CDYL2: variants seen among roughly 807,000 people sequenced by gnomAD.
The protein encoded by CDYL2 is chromodomain Y-like protein 2.
CDYL2 carries 23 observed loss-of-function variants against 49.4 expected under a neutral mutation model. The ratio of observed to expected loss-of-function variants is 0.47; its 90% CI spans 0.34 to 0.66. CDYL2 has a LOEUF of 0.66. Ranked by LOEUF, CDYL2 falls within the 30% of genes least tolerant of loss-of-function variation. CDYL2 has a pLI of 0.01. For synonymous variants in CDYL2, 360 were observed against 268.8 expected (o/e 1.34, Z -3.32); for missense variants, 678 against 656.4 (o/e 1.03, Z -0.36).
chr16:80,678,391 C>G (rs1275145326), intron 2 of CDYL2, among the ~76,000 whole-genome samples: 4 of 152,118 alleles, frequency 2.6e-5, no homozygotes, highest in African/African-American at 9.7e-5. Context: ...CCAGAATCTA[C>G]GATGAACTCA....
chr16:80,751,797 T>C (rs1011044656), intron 1 of CDYL2, among the ~76,000 whole-genome samples: 1 of 152,244 alleles, frequency 6.6e-6, no homozygotes, highest in Non-Finnish European at 1.5e-5. Flanking sequence ...AAGAGAGGGA[T>C]AATCAGAGAT....
At chr16:80,771,700 G>T (rs1011114422) in intron 1 of CDYL2, among the ~76,000 whole-genome samples, 9 of 151,916 alleles carry the variant, frequency 5.9e-5, no homozygotes, top group African/African-American at 1.9e-4. Context: ...TCCAGCTTGG[G>T]TGTCAAAGAG....
intron 2 of CDYL2, among the ~76,000 whole-genome samples, chr16:80,681,517 T>C (rs1909966486): frequency 6.6e-6 from 1 of 152,166 alleles, no homozygotes; most frequent in South Asian, 2.1e-4. Context: ...CTGTCTTGGG[T>C]CTTGTCCAGG....
intron 1 of CDYL2, among the ~76,000 whole-genome samples, chr16:80,773,999 G>C (rs1048431312): frequency 6.6e-6 from 1 of 152,120 alleles, no homozygotes; most frequent in Non-Finnish European, 1.5e-5. Context: ...ATGTATATGG[G>C]AGCTCTGGGG....
chr16:80,632,116 T>C (rs1019116795), intron 3 of CDYL2, among the ~76,000 whole-genome samples: 2 of 152,174 alleles, frequency 1.3e-5, no homozygotes, highest in Admixed American at 1.3e-4. Flanking sequence ...AACTTGTATA[T>C]AACATTTGTA....
chr16:80,737,130 T>A (rs1165804148), intron 1 of CDYL2, among the ~76,000 whole-genome samples: 1 of 152,178 alleles, frequency 6.6e-6, no homozygotes, highest in Non-Finnish European at 1.5e-5. Flanking sequence ...GATCTTGAAA[T>A]TGAGCCTCAC....
chr16:80,753,838 T>A (rs1906219185), intron 1 of CDYL2, among the ~76,000 whole-genome samples: 2 of 152,010 alleles, frequency 1.3e-5, no homozygotes, highest in African/African-American at 4.8e-5. Flanking sequence ...ATTAAAAGAA[T>A]AAAAAAAGAC....
At chr16:80,735,293 T>C (rs543115166) in intron 1 of CDYL2, among the ~76,000 whole-genome samples, 48 of 152,356 alleles carry the variant, frequency 3.2e-4, no homozygotes, top group Middle Eastern at 6.8e-3. Context: ...CTCTACTCCA[T>C]GTTACAATGA....
chr16:80,642,034 G>C (rs1908117473), intron 2 of CDYL2, among the ~76,000 whole-genome samples: 1 of 152,100 alleles, frequency 6.6e-6, no homozygotes, highest in Non-Finnish European at 1.5e-5. Flanking sequence ...AAATAGAAAG[G>C]ATAAACAATG....
intron 1 of CDYL2, among the ~76,000 whole-genome samples, chr16:80,768,400 G>A (rs1906796894): frequency 6.6e-6 from 1 of 152,166 alleles, no homozygotes; most frequent in East Asian, 1.9e-4. Flanking sequence ...TATTCAGGCT[G>A]CTATAACAAA....
intron 1 of CDYL2, among the ~76,000 whole-genome samples, chr16:80,773,535 C>G (rs1030002446): frequency 3.3e-5 from 5 of 152,056 alleles, no homozygotes; most frequent in Non-Finnish European, 5.9e-5. Context: ...ATGCATGAAA[C>G]ATTTACAAAA....
intron 1 of CDYL2, among the ~76,000 whole-genome samples, chr16:80,766,826 T>A (rs1256789604): frequency 6.6e-6 from 1 of 152,164 alleles, no homozygotes; most frequent in African/African-American, 2.4e-5. Flanking sequence ...GAAAGAAGTG[T>A]CGGCCACACA....
intron 1 of CDYL2, among the ~76,000 whole-genome samples, chr16:80,786,907 C>T (rs1356527621): frequency 6.6e-6 from 1 of 151,886 alleles, no homozygotes; most frequent in Non-Finnish European, 1.5e-5. Flanking sequence ...ACATCACACA[C>T]CAGGGCCTGT....
Position 80,752,074 on chromosome 16 carries a change from G to A in CDYL2, c.24+52076C>T, listed in dbSNP as rs138408675. Among the ~76,000 whole-genome samples the A allele has an allele frequency of 2.1e-3, 321 of 152,058 alleles. 2 individuals are homozygous for A. The highest frequency in any genetic ancestry group is 4.0e-3 in the Non-Finnish European group (269 of 67,980). On this transcript the variant is annotated intron_variant, in intron 1 of 6. Transcript: ENST00000570137. ...CAAATATAACCTTTAAAATAACTGT[G>A]AAATAGATAACCATGTGGACAATTT... is the stretch of plus-strand genomic sequence containing the variant.
intron 1 of CDYL2, among the ~76,000 whole-genome samples, chr16:80,731,399 A>G (rs552763465): frequency 6.6e-6 from 1 of 152,274 alleles, no homozygotes; most frequent in South Asian, 2.1e-4. Context: ...AAGTTCAAAA[A>G]AGTGAGAACA....
At chr16:80,659,136 G>A (rs117036043) in intron 2 of CDYL2, among the ~76,000 whole-genome samples, 2,009 of 152,128 alleles carry the variant, frequency 0.013, 14 homozygotes, top group Middle Eastern at 0.031. Context: ...CAGATGAGAT[G>A]GATAAGAAGG....
At position 80,633,212 on chromosome 16, in the gene CDYL2, A is replaced by C. The variant is rs1158743160; in HGVS notation, c.641T>G (p.Leu214Trp). The C allele has an allele frequency of 6.2e-7, 1 of 1,614,026 alleles. No individual in the cohort carries two copies. Among genetic ancestry groups the C allele is most frequent in the East Asian group, 2.2e-5 (1 of 44,898 alleles). The change falls in exon 3 of 7, where the codon TTG (leucine) becomes TGG (tryptophan). Residue 214 changes from leucine (L) to tryptophan (W), a missense_variant. By Grantham distance (61) the Leu-to-Trp change is moderately conservative. Around this residue, in one of 3 missense-constraint regions of CDYL2, gnomAD observed 478 missense variants for 427.0 expected, o/e 1.12. Transcript: ENST00000570137. ...GLGSALTNGG[L>W]NLHSPVKRKL... ...CCTCTTCACTGGACTGTGCAGGTTC[A>C]ATCCCCCGTTGGTCAGAGCAGAGCC...
intron 1 of CDYL2, among the ~76,000 whole-genome samples, chr16:80,685,753 G>A (rs561152633): frequency 6.6e-6 from 1 of 152,204 alleles, no homozygotes; most frequent in Non-Finnish European, 1.5e-5. Context: ...CGAGGGCTCA[G>A]AGAGACCAAG....
intron 2 of CDYL2, among the ~76,000 whole-genome samples, chr16:80,675,615 G>A (rs568597980): frequency 3.9e-5 from 6 of 152,196 alleles, no homozygotes; most frequent in Admixed American, 2.6e-4. Flanking sequence ...GCTTTTCACC[G>A]ACATTAGGAG....
Sources: gnomAD v4.1 joint callset for allele counts (sites outside exome capture counted in the v4.1 genomes callset) on GRCh38, gnomAD v4.1.1 for gene constraint, gnomAD v4.1.1 regional missense constraint, MANE v1.5 for transcripts, NCBI Gene and HGNC (gene_info 2026-07-23, HGNC 2026-07-21) for gene names.